ASPG: variants seen among roughly 807,000 people sequenced by gnomAD.
ASPG encodes the protein 60 kDa lysophospholipase.
In ASPG, 53 loss-of-function variants were observed where a neutral mutation model predicts 63.2. The observed-to-expected ratio is 0.84, with a 90% CI of 0.67 to 1.05. The LOEUF (loss-of-function observed/expected upper bound fraction) is 1.05, where lower values mean the gene tolerates loss of function less well. Among genes scored for constraint, ASPG ranks in the 50% least tolerant of loss-of-function variants. The pLI is 0.00. For missense variants in ASPG, 741 were observed against 794.4 expected (o/e 0.93, Z 0.81); for synonymous variants, 370 against 355.0 (o/e 1.04, Z -0.48).
chr14:104,105,292 C>A (rs1403461813), intron 9 of ASPG, 36 bp from the exon 10 acceptor site: 3 of 1,612,518 alleles, frequency 1.9e-6, no homozygotes, highest in Non-Finnish European at 1.7e-6. Context: ...CCATCCAGCC[C>A]TGGCAGAGCC....
At chr14:104,105,622 A>T (rs1316886028) in intron 10 of ASPG, among the ~76,000 whole-genome samples, 172 bp downstream of exon 10, 1 of 152,034 alleles carries the variant, frequency 6.6e-6, no homozygotes, top group African/African-American at 2.4e-5. Context: ...GCAGCAAGGA[A>T]GGTTTGCAGG....
chr14:104,095,703 C>G, intron 4 of ASPG, 47 bp downstream of exon 4: 2 of 1,609,128 alleles, frequency 1.2e-6, no homozygotes, highest in Middle Eastern at 1.7e-4. Flanking sequence ...CTTCCTGAGG[C>G]CACAGGGCAA....
rs747275640 is a variant in ASPG at position 104,095,632 on chromosome 14, G to A, written c.405G>A (p.Lys135=). 2 of 1,612,982 alleles carry A rather than the reference G, an allele frequency of 1.2e-6. No homozygotes were observed. The highest frequency in any genetic ancestry group is 1.7e-6 in the Non-Finnish European group (2 of 1,179,824). Residue 135 remains lysine (K), a synonymous_variant, in exon 4 of 16, where the codon AAG becomes AAA. Coordinates refer to ENST00000551177, the MANE Select transcript of ASPG (RefSeq NM_001080464.3). ...MLSFMLENLQ[K]TVILTGAQVP... ...CCTTCATGCTGGAGAACCTGCAGAAGACTGTCATCCTCACTGGGGCCCAGG... is the reference window on the plus strand; with the variant it reads ...CCTTCATGCTGGAGAACCTGCAGAAAACTGTCATCCTCACTGGGGCCCAGG...
chr14:104,109,347 G>A lies in ASPG; in HGVS notation c.1520+32G>A, dbSNP rs1463243487. 3 of 1,573,994 alleles carry A rather than the reference G, an allele frequency of 1.9e-6. No individual in the cohort carries two copies. Among genetic ancestry groups the A allele is most frequent in the Non-Finnish European group, 2.6e-6 (3 of 1,158,458 alleles). On this transcript the variant is annotated intron_variant, in intron 13 of 15. Transcript: ENST00000551177. This position sits in a 1 kb window ranked among gnomAD's most constrained non-coding sequence, Gnocchi z 4.8. ...GCAGCTAGAGCACCTGCTCTTCCAG[G>A]GATGTGGGGGACACAGCTTGGGGAA... is the stretch of plus-strand genomic sequence containing the variant.
rs111406151 is a variant in ASPG at position 104,097,842 on chromosome 14, C to T, written c.513+205C>T. Among the ~76,000 whole-genome samples, 212 of 138,292 alleles carry T rather than the reference C, an allele frequency of 1.5e-3. 16 individuals are homozygous for T. Among genetic ancestry groups the T allele is most frequent in the Middle Eastern group, 7.9e-3 (2 of 254 alleles). 90.7% of individuals were successfully genotyped at this position (138,292 alleles called of 152,430 possible). ...GTTAGAGATACGTATGGAGGTTCTG[C>T]GTTAGAGATGCATATGGAGGTTCTA... is the stretch of plus-strand genomic sequence containing the variant. On this transcript the variant is annotated intron_variant, in intron 5 of 15. Transcript: ENST00000551177.
rs781556086 is a variant in ASPG, at chr14:104,097,641, C to A, written c.513+4C>A. 4 of 1,560,790 alleles carry A rather than the reference C, an allele frequency of 2.6e-6. No individual in the cohort carries two copies. In the African/African-American group the frequency reaches 4.1e-5, roughly 16 times the overall value. On this transcript the variant is annotated splice_donor_region_variant and intron_variant, in intron 5 of 15. Coordinates refer to ENST00000551177, the MANE Select transcript of ASPG (RefSeq NM_001080464.3). ...TGGCCAGTATGTGATCCCAGAGGTA[C>A]CTGCCTGGTGCACGTGGAGGCGGGG... is the stretch of plus-strand genomic sequence containing the variant.
In ASPG at chr14:104,111,363, C is replaced by T. The variant is rs556084708; in HGVS notation, c.1521-139C>T. 98 of 1,019,222 alleles carry T rather than the reference C, an allele frequency of 9.6e-5. 2 individuals are homozygous for T. In the Middle Eastern group the frequency reaches 1.3e-3, roughly 14 times the overall value. The allele number at this position is 1,019,222 out of a possible 1,614,324, so 63.1% of individuals were successfully genotyped here. A position where few individuals can be genotyped will look rare whatever the true frequency, so the allele number is the denominator to read the frequency against. ...CCGATGGCCCCCAGTGACTCCTGCC[C>T]CAGGACCAGGTCGCTGCTGGGTCAG... On this transcript the variant is annotated intron_variant, in intron 13 of 15. Coordinates refer to ENST00000551177, the MANE Select transcript of ASPG (RefSeq NM_001080464.3).
Position 104,106,796 on chromosome 14 carries a change from T to C in ASPG, c.1174-3T>C. 6.3e-7 allele frequency: 1 copy of C among 1,590,964 alleles called. No individual in the cohort carries two copies. The highest frequency in any genetic ancestry group is 8.5e-7 in the Non-Finnish European group (1 of 1,170,196). On this transcript the variant is annotated splice_region_variant and splice_polypyrimidine_tract_variant and intron_variant, in intron 10 of 15. Coordinates refer to ENST00000551177, the MANE Select transcript of ASPG (RefSeq NM_001080464.3). Reference sequence around the variant, plus strand: ...GTCCCAGGGTGCCGCCTTCCCCACCTAGGAGGCAGATGCCCTGCGGAATGC... The same window carrying C: ...GTCCCAGGGTGCCGCCTTCCCCACCCAGGAGGCAGATGCCCTGCGGAATGC...
In ASPG at chr14:104,113,783, CACA is replaced by C. The variant is rs1648368103; in HGVS notation, c.*1244_*1246del. On this transcript the variant is annotated 3_prime_UTR_variant, in exon 16 of 16. Coordinates refer to ENST00000551177, the MANE Select transcript of ASPG (RefSeq NM_001080464.3). ...CCGACACAGGTGTGCCTGGGCCTTG[CACA>C]ACAAGGTGACGCCATGCGAGCGTGG... 6.6e-6 allele frequency: 1 copy of C among 152,330 alleles called. No homozygotes were observed. The highest frequency in any genetic ancestry group is 1.5e-5 in the Non-Finnish European group (1 of 68,096). 9.4% of individuals were successfully genotyped at this position (152,330 alleles called of 1,614,324 possible).
chr14:104,112,032 C>T (rs1323136019), intron 15 of ASPG, 32 bp downstream of exon 15: 2 of 1,536,408 alleles, frequency 1.3e-6, no homozygotes, highest in East Asian at 2.4e-5. Context: ...GGCTGACACC[C>T]CCCAGTGAGC....
At chr14:104,112,077 C>A in intron 15 of ASPG, 77 bp downstream of exon 15, 1 of 1,367,660 alleles carries the variant, frequency 7.3e-7, no homozygotes, top group Non-Finnish European at 1.0e-6. Context: ...CTCGGGGGGG[C>A]GTAATCAAGG....
chr14:104,106,737 T>C lies in ASPG; in HGVS notation c.1174-62T>C. Reference sequence around the variant, plus strand: ...GCAGGGGTCATACAGCACCGGGGACTGCCAGTTCCACCAGATGCCAAAGGG... The same window carrying C: ...GCAGGGGTCATACAGCACCGGGGACCGCCAGTTCCACCAGATGCCAAAGGG... On this transcript the variant is annotated intron_variant, in intron 10 of 15. Transcript: ENST00000551177. The C allele has an allele frequency of 2.1e-6, 3 of 1,437,198 alleles. No individual in the cohort carries two copies. In the South Asian group the frequency reaches 3.7e-5, roughly 18 times the overall value. The allele number at this position is 1,437,198 out of a possible 1,614,324, so 89.0% of individuals were successfully genotyped here. A position where few individuals can be genotyped will look rare whatever the true frequency, so the allele number is the denominator to read the frequency against.
At chr14:104,090,219 AGG>A (rs957340157) in intron 1 of ASPG, among the ~76,000 whole-genome samples, 4 of 152,212 alleles carry the variant, frequency 2.6e-5, no homozygotes, top group African/African-American at 9.6e-5. Flanking sequence ...CAGGGACAGC[AGG>A]GCCCATATCC....
Position 104,111,500 on chromosome 14 carries a change from A to G in ASPG, c.1521-2A>G. 1.3e-6 allele frequency: 2 copies of G among 1,549,268 alleles called. No individual in the cohort carries two copies. Among genetic ancestry groups the G allele is most frequent in the East Asian group, 4.9e-5 (2 of 40,872 alleles). Reference sequence around the variant, plus strand: ...CAACTCCTCCTCTGCCCCCACCCCCAGGCTGGCATACAGGGCCGACCTCGA... The same window carrying G: ...CAACTCCTCCTCTGCCCCCACCCCCGGGCTGGCATACAGGGCCGACCTCGA... On this transcript the variant is annotated splice_acceptor_variant, in intron 13 of 15. Transcript: ENST00000551177. LOFTEE classifies it high-confidence loss of function.
chr14:104,104,988 G>C (rs2037058759), intron 9 of ASPG: 2 of 577,610 alleles, frequency 3.5e-6, no homozygotes, highest in South Asian at 2.2e-5. Context: ...ATGGAGACCT[G>C]AGGCTCCCCT....
In ASPG at chr14:104,087,331, A is replaced by G. The variant is rs185735519; in HGVS notation, c.82+1479A>G. On this transcript the variant is annotated intron_variant, in intron 1 of 15. Transcript: ENST00000551177. ...CACAATTCCTGTGCTTGGCCCTCAC[A>G]AGCTAGAGAGAGAGGCTGCCATTGA... 2.0e-5 allele frequency among the ~76,000 whole-genome samples: 3 copies of G among 152,288 alleles called. No homozygotes were observed. In the East Asian group the frequency reaches 5.8e-4, roughly 29 times the overall value.
intron 6 of ASPG, among the ~76,000 whole-genome samples, chr14:104,102,426 C>T (rs1014137262): frequency 1.3e-5 from 2 of 152,126 alleles, no homozygotes; most frequent in Non-Finnish European, 2.9e-5. Flanking sequence ...GAGCCCTGTG[C>T]GGGGGTCCTC....
intron 4 of ASPG, among the ~76,000 whole-genome samples, chr14:104,096,078 G>A (rs1041862821): frequency 3.9e-5 from 6 of 152,190 alleles, no homozygotes; most frequent in African/African-American, 1.4e-4. Context: ...TCTTTGCTCC[G>A]CCCACTGTGG....
intron 10 of ASPG, 87 bp downstream of exon 10, chr14:104,105,537 C>A (rs2037085184): frequency 4.8e-6 from 7 of 1,450,560 alleles, no homozygotes; most frequent in Non-Finnish European, 6.4e-6. Flanking sequence ...AGGCACGAGC[C>A]CCTGTAGCCA....
Sources: allele counts gnomAD v4.1 joint callset (sites outside exome capture counted in the v4.1 genomes callset), GRCh38; gene constraint gnomAD v4.1.1; non-coding constraint Gnocchi (gnomAD v3.1); transcripts MANE v1.5; gene names NCBI Gene and HGNC (gene_info 2026-07-23, HGNC 2026-07-21).